Variants in SPPL2B observed in about 807,000 individuals in gnomAD.
The protein encoded by SPPL2B is signal peptide peptidase like 2B.
A neutral mutation model predicts 59.7 loss-of-function variants in SPPL2B; 39 were observed. The observed-to-expected ratio is 0.65, with a 90% CI of 0.51 to 0.85. The LOEUF is 0.85. Among genes scored for constraint, SPPL2B ranks in the 40% least tolerant of loss-of-function variants. The pLI is 0.00. For missense variants in SPPL2B, 865 were observed against 849.0 expected, an observed-to-expected ratio of 1.02 and a Z score of -0.23; for synonymous variants, 419 against 370.8, an observed-to-expected ratio of 1.13 and a Z score of -1.49.
chr19:2,335,977 A>G (rs976285720), intron 2 of SPPL2B, among the ~76,000 whole-genome samples: 5 of 145,854 alleles, frequency 3.4e-5, no homozygotes, highest in African/African-American at 1.3e-4. Flanking sequence ...TTGTGTGTGA[A>G]CACATAGGTG....
At chr19:2,329,021 G>A (rs912800587) in intron 1 of SPPL2B, among the ~76,000 whole-genome samples, 14 of 152,178 alleles carry the variant, frequency 9.2e-5, no homozygotes, top group Non-Finnish European at 2.1e-4. Context: ...ACTTCCCACC[G>A]GGTCTGAAAT....
chr19:2,340,855 C>T (rs371136932), intron 7 of SPPL2B, 43 bp from the exon 8 acceptor site: 24 of 1,293,066 alleles, frequency 1.9e-5, no homozygotes, highest in African/African-American at 2.9e-5. Flanking sequence ...GGGATGAGGC[C>T]GGGAGCTGGT....
chr19:2,339,663 TGCCCTGGGGACG>T, intron 5 of SPPL2B, 149 bp from the exon 6 acceptor site: 1 of 779,732 alleles, frequency 1.3e-6, no homozygotes, highest in Non-Finnish European at 2.1e-6. Flanking sequence ...TGGTCTCCTC[TGCCCTGGGGACG>T]TTCGGGGCGG....
At chr19:2,336,528 A>G (rs77101477) in intron 2 of SPPL2B, among the ~76,000 whole-genome samples, 25,188 of 151,236 alleles carry the variant, frequency 0.17, 2,553 homozygotes, top group African/African-American at 0.29. Flanking sequence ...GTGTGAGTTC[A>G]TGTGGCGTGT....
At position 2,339,223 on chromosome 19, in the gene SPPL2B, G is replaced by C; in HGVS notation, c.599+15G>C. ...GACGTGAAGAAGTGAGTTTCGCATC[G>C]TGCGTGTGCTGTGACGGGGTCGGGC... On this transcript the variant is annotated intron_variant, in intron 5 of 14. Transcript: ENST00000613503. 2 of 1,599,628 alleles carry C rather than the reference G, an allele frequency of 1.3e-6. No individual in the cohort carries two copies. Among genetic ancestry groups the C allele is most frequent in the Non-Finnish European group, 1.7e-6 (2 of 1,173,582 alleles).
At position 2,334,739 on chromosome 19, in the gene SPPL2B, G is replaced by T. The variant is rs141342141; in HGVS notation, c.186+18G>T. On this transcript the variant is annotated intron_variant, in intron 2 of 14. Coordinates refer to ENST00000613503, the MANE Select transcript of SPPL2B (RefSeq NM_152988.3). ...GCAAGGCAGTGAGTACCCGCTGGCC[G>T]GGCGCCGCTGCGGAGGAGAATGCGG... The T allele has an allele frequency of 1.7e-5, 27 of 1,549,514 alleles. No homozygotes were observed. The highest frequency in any genetic ancestry group is 2.2e-5 in the Non-Finnish European group (25 of 1,147,948).
intron 13 of SPPL2B, among the ~76,000 whole-genome samples, chr19:2,350,512 C>T (rs781009245): frequency 1.8e-4 from 28 of 151,664 alleles, no homozygotes; most frequent in Non-Finnish European, 3.4e-4. Context: ...CTCTCTCTCT[C>T]CACACACACA....
rs1182828570 is a variant in SPPL2B, at chr19:2,344,046, G to A, written c.1113+7G>A. ...CACGCCCTTCCTGACCAAGGTAGGC[G>A]ACTGCCTGTCCCTGCTCCACCCCAT... is the stretch of plus-strand genomic sequence containing the variant. On this transcript the variant is annotated splice_region_variant and intron_variant, in intron 10 of 14. Coordinates refer to ENST00000613503, the MANE Select transcript of SPPL2B (RefSeq NM_152988.3). 1 of 1,543,392 alleles carries A rather than the reference G, an allele frequency of 6.5e-7. No individual in the cohort carries two copies. The highest frequency in any genetic ancestry group is 8.7e-7 in the Non-Finnish European group (1 of 1,143,180).
chr19:2,334,723 T>G lies in SPPL2B; in HGVS notation c.186+2T>G, dbSNP rs1346786446. On this transcript the variant is annotated splice_donor_variant, in intron 2 of 14. Coordinates refer to ENST00000613503, the MANE Select transcript of SPPL2B (RefSeq NM_152988.3). LOFTEE classifies it high-confidence loss of function. Reference sequence around the variant, plus strand: ...CTTCCGCACGACCTCAGCAAGGCAGTGAGTACCCGCTGGCCGGGCGCCGCT... The same window carrying G: ...CTTCCGCACGACCTCAGCAAGGCAGGGAGTACCCGCTGGCCGGGCGCCGCT... The G allele has an allele frequency of 6.3e-7, 1 of 1,594,018 alleles. No individual in the cohort carries two copies. Among genetic ancestry groups the G allele is most frequent in the Non-Finnish European group, 8.5e-7 (1 of 1,169,904 alleles).
intron 14 of SPPL2B, 85 bp downstream of exon 14, chr19:2,351,679 C>A: frequency 6.6e-7 from 1 of 1,525,002 alleles, no homozygotes; most frequent in South Asian, 1.2e-5. Flanking sequence ...CCTCCAGCCA[C>A]AGCCAGCCCT....
intron 1 of SPPL2B, among the ~76,000 whole-genome samples, chr19:2,331,242 C>T (rs566227583): frequency 4.0e-4 from 61 of 152,312 alleles, no homozygotes; most frequent in African/African-American, 1.4e-3. Flanking sequence ...GACTCACTGG[C>T]CTGTTTCAAA....
Position 2,332,195 on chromosome 19 carries a change from G to C in SPPL2B, c.67-2407G>C, listed in dbSNP as rs1298658810. On this transcript the variant is annotated intron_variant, in intron 1 of 14. Coordinates refer to ENST00000613503, the MANE Select transcript of SPPL2B (RefSeq NM_152988.3). The surrounding 1 kb of genome is among the most constrained non-coding windows in gnomAD (Gnocchi z 4.6). ...TTAGCCAAGAGCTATGAGACCCCCA[G>C]TCGATTGTGGGGACCGGGGCTCCGT... is the stretch of plus-strand genomic sequence containing the variant. Among the ~76,000 whole-genome samples, 3 of 152,212 alleles carry C rather than the reference G, an allele frequency of 2.0e-5. No individual in the cohort carries two copies. The highest frequency in any genetic ancestry group is 4.8e-5 in the African/African-American group (2 of 41,454).
At chr19:2,336,911 G>A (rs1968672979) in intron 2 of SPPL2B, among the ~76,000 whole-genome samples, 1 of 149,898 alleles carries the variant, frequency 6.7e-6, no homozygotes, top group Admixed American at 6.6e-5. Flanking sequence ...GTGTGTGTGT[G>A]TGTGCATGTA....
At position 2,332,399 on chromosome 19, in the gene SPPL2B, C is replaced by G. The variant is rs1968333675; in HGVS notation, c.67-2203C>G. 6.6e-6 allele frequency among the ~76,000 whole-genome samples: 1 copy of G among 152,194 alleles called. No homozygotes were observed. Among genetic ancestry groups the G allele is most frequent in the African/African-American group, 2.4e-5 (1 of 41,446 alleles). On this transcript the variant is annotated intron_variant, in intron 1 of 14. Transcript: ENST00000613503. The surrounding 1 kb of genome is among the most constrained non-coding windows in gnomAD (Gnocchi z 4.6). ...GGACCTTTGGGACCTTTAGCCAAGC[C>G]AGAGCTGTCCTTCCCCAGTCCTAGC...
chr19:2,340,586 C>A, intron 7 of SPPL2B: 1 of 541,780 alleles, frequency 1.8e-6, no homozygotes, highest in Non-Finnish European at 3.3e-6. Flanking sequence ...CAGGGGGAGA[C>A]CTTTTTGTGT....
chr19:2,331,188 C>A (rs914816388), intron 1 of SPPL2B, among the ~76,000 whole-genome samples: 4 of 151,738 alleles, frequency 2.6e-5, no homozygotes, highest in Non-Finnish European at 4.4e-5. Flanking sequence ...GGCCCGGCTC[C>A]TGGAACTCCT....
Position 2,339,818 on chromosome 19 carries a change from C to G in SPPL2B, c.600-6C>G. 1 of 1,605,076 alleles carries G rather than the reference C, an allele frequency of 6.2e-7. No homozygotes were observed. Among genetic ancestry groups the G allele is most frequent in the Non-Finnish European group, 8.5e-7 (1 of 1,176,066 alleles). ...AGGGCCCCACGACCCCATGGTGTCT[C>G]CCAAGAAGGTACATGAAGCACAAGC... On this transcript the variant is annotated splice_region_variant and splice_polypyrimidine_tract_variant and intron_variant, in intron 5 of 14. Transcript: ENST00000613503.
chr19:2,339,681 G>T, intron 5 of SPPL2B, 143 bp from the exon 6 acceptor site: 1 of 911,518 alleles, frequency 1.1e-6, no homozygotes, highest in Non-Finnish European at 1.7e-6. Flanking sequence ...GGACGTTCGG[G>T]GCGGTTCCTT....
Position 2,353,167 on chromosome 19 carries a change from G to A in SPPL2B, c.1737G>A (p.Gln579=), listed in dbSNP as rs1372791439. Residue 579 remains glutamine (Q), a synonymous_variant, in exon 15 of 15, where the codon CAG becomes CAA. Transcript: ENST00000613503. ...GSPAESEGRD[Q]AQPSPVTQPG... ...CAGCTGAATCCGAGGGCCGGGACCAGGCCCAGCCGTCCCCGGTAACCCAGC... is the reference window on the plus strand; with the variant it reads ...CAGCTGAATCCGAGGGCCGGGACCAAGCCCAGCCGTCCCCGGTAACCCAGC... The A allele has an allele frequency of 1.2e-6, 2 of 1,608,866 alleles. No homozygotes were observed.
Sources: allele counts gnomAD v4.1 joint callset (sites outside exome capture counted in the v4.1 genomes callset), GRCh38; gene constraint gnomAD v4.1.1; non-coding constraint Gnocchi (gnomAD v3.1); transcripts MANE v1.5; gene names NCBI Gene and HGNC (gene_info 2026-07-23, HGNC 2026-07-21).